Variants in GRM7 observed in about 807,000 individuals in gnomAD.
GRM7 encodes the protein glutamate metabotropic receptor 7.
Under a neutral mutation model 84.5 loss-of-function variants are expected in GRM7, and 35 were observed. The observed-to-expected ratio is 0.41, with a 90% CI of 0.32 to 0.55. The LOEUF (loss-of-function observed/expected upper bound fraction) is 0.55. GRM7 is among the 20% of genes least tolerant of loss of function. GRM7 has a pLI of 0.19. For missense variants in GRM7, 1,003 were observed against 1,194.6 expected (o/e 0.84, Z 2.36); for synonymous variants, 487 against 455.1 (o/e 1.07, Z -0.89).
intron 1 of GRM7, among the ~76,000 whole-genome samples, chr3:6,923,622 C>T (rs1407931664): frequency 6.6e-6 from 1 of 151,804 alleles, no homozygotes; most frequent in African/African-American, 2.4e-5. Flanking sequence ...GGGTTTTTTT[C>T]CCCCTGCACT....
chr3:7,657,859 G>A (rs906740321), intron 8 of GRM7, among the ~76,000 whole-genome samples: 5 of 152,172 alleles, frequency 3.3e-5, no homozygotes, highest in Admixed American at 2.6e-4. Context: ...GAGAGTTGGA[G>A]CACTGGTCTC....
At chr3:7,196,582 T>G (rs1394456593) in intron 2 of GRM7, among the ~76,000 whole-genome samples, 1 of 152,124 alleles carries the variant, frequency 6.6e-6, no homozygotes, top group Non-Finnish European at 1.5e-5. Context: ...CTGCCCGAAA[T>G]GGCCTTTCAC....
At chr3:6,915,429 A>T (rs1322795896) in intron 1 of GRM7, among the ~76,000 whole-genome samples, 1 of 152,158 alleles carries the variant, frequency 6.6e-6, no homozygotes, top group South Asian at 2.1e-4. Context: ...GGTCACTTGG[A>T]TGGCAGATAT....
intron 1 of GRM7, among the ~76,000 whole-genome samples, chr3:6,948,448 A>G (rs1698176805): frequency 1.3e-5 from 2 of 152,072 alleles, no homozygotes; most frequent in Non-Finnish European, 2.9e-5. Flanking sequence ...GTTCTTTTAC[A>G]TTTGCTGAGG....
At chr3:6,943,158 T>TA (rs1697947390) in intron 1 of GRM7, among the ~76,000 whole-genome samples, 3 of 151,972 alleles carry the variant, frequency 2.0e-5, no homozygotes, top group African/African-American at 7.2e-5. Flanking sequence ...GCTGGCAGCA[T>TA]ATCTTTTTGT....
intron 7 of GRM7, among the ~76,000 whole-genome samples, chr3:7,477,641 C>A (rs1364595605): frequency 6.6e-6 from 1 of 152,108 alleles, no homozygotes; most frequent in African/African-American, 2.4e-5. Context: ...CGTCTTTATT[C>A]TTTTGTTGTT....
rs1178525393 is a variant in GRM7, at chr3:7,305,767, C to T, written c.879-731C>T. 3.3e-5 allele frequency among the ~76,000 whole-genome samples: 5 copies of T among 152,188 alleles called. No individual in the cohort carries two copies. In the East Asian group the frequency reaches 9.7e-4, roughly 29 times the overall value. On this transcript the variant is annotated intron_variant, in intron 3 of 9. Coordinates refer to ENST00000357716, the MANE Select transcript of GRM7 (RefSeq NM_000844.4). ...ATGTAGCTCTGTGGTGCCTGATACT[C>T]CCAAGTCCCAAGAGACAAACAAACC...
chr3:7,485,172 T>C (rs976915973), intron 7 of GRM7, among the ~76,000 whole-genome samples: 1 of 152,202 alleles, frequency 6.6e-6, no homozygotes, highest in Admixed American at 6.5e-5. Flanking sequence ...AGAACCCAAC[T>C]AAAATGTGTC....
intron 4 of GRM7, among the ~76,000 whole-genome samples, chr3:7,328,950 C>T (rs892843295): frequency 2.0e-5 from 3 of 152,042 alleles, no homozygotes; most frequent in Non-Finnish European, 2.9e-5. Flanking sequence ...AGTCTCTTTG[C>T]AGGTGCTCTT....
chr3:7,247,625 A>G (rs1697822318), intron 2 of GRM7, among the ~76,000 whole-genome samples: 1 of 150,108 alleles, frequency 6.7e-6, no homozygotes, highest in South Asian at 2.1e-4. Flanking sequence ...AAAAAAGAAG[A>G]AGAAAGAAAG....
At chr3:7,204,625 TG>T (rs1696174922) in intron 2 of GRM7, among the ~76,000 whole-genome samples, 1 of 152,148 alleles carries the variant, frequency 6.6e-6, no homozygotes. Context: ...GAGTGCTAGG[TG>T]GGCAAATAAC....
At chr3:7,162,813 G>C (rs559796662) in intron 2 of GRM7, among the ~76,000 whole-genome samples, 6 of 126,200 alleles carry the variant, frequency 4.8e-5, no homozygotes, top group Admixed American at 3.0e-4. Context: ...AGGCTGGAGT[G>C]CAGTGGTGTG....
intron 7 of GRM7, among the ~76,000 whole-genome samples, chr3:7,503,424 A>G (rs1699943589): frequency 6.6e-6 from 1 of 152,056 alleles, no homozygotes; most frequent in Non-Finnish European, 1.5e-5. Flanking sequence ...GATTTGCCTG[A>G]GTCCTCCTTA....
At chr3:7,368,630 T>C (rs1694007767) in intron 4 of GRM7, among the ~76,000 whole-genome samples, 2 of 152,150 alleles carry the variant, frequency 1.3e-5, no homozygotes, top group South Asian at 4.1e-4. Flanking sequence ...GCATGAGTTT[T>C]AACAGCAGAT....
chr3:7,307,983 G>C (rs1482422577), intron 4 of GRM7, among the ~76,000 whole-genome samples: 1 of 152,148 alleles, frequency 6.6e-6, no homozygotes, highest in African/African-American at 2.4e-5. Flanking sequence ...TCCTAGGGTG[G>C]TGGTGATATG....
intron 2 of GRM7, among the ~76,000 whole-genome samples, chr3:7,171,694 A>G (rs1020216499): frequency 6.6e-6 from 1 of 152,194 alleles, no homozygotes; most frequent in African/African-American, 2.4e-5. Flanking sequence ...CGTCCTACAC[A>G]CCTGCCTAAG....
Position 7,229,743 on chromosome 3 carries a change from ATATATATATATATATATTT to A in GRM7, c.737-68939_737-68921del, listed in dbSNP as rs1559514583. ...GACACACACATATATATATATATAT[ATATATATATATATATATTT>A]TTTTTTTTTTTTGGTTGACAGGTGT... On this transcript the variant is annotated intron_variant, in intron 2 of 9. Coordinates refer to ENST00000357716, the MANE Select transcript of GRM7 (RefSeq NM_000844.4). Among the ~76,000 whole-genome samples the A allele has an allele frequency of 1.0e-3, 46 of 44,664 alleles. 4 individuals carry two copies. Among genetic ancestry groups the A allele is most frequent in the East Asian group, 1.8e-3 (1 of 550 alleles). 29.3% of individuals were successfully genotyped at this position (44,664 alleles called of 152,430 possible).
chr3:6,978,492 C>A (rs9869526), intron 1 of GRM7, among the ~76,000 whole-genome samples: 1 of 151,908 alleles, frequency 6.6e-6, no homozygotes, highest in Non-Finnish European at 1.5e-5. Context: ...ACTTCCCCCC[C>A]ATTTGATCCA....
chr3:7,620,518 A>G (rs1422000066), intron 8 of GRM7, among the ~76,000 whole-genome samples: 1 of 152,150 alleles, frequency 6.6e-6, no homozygotes, highest in Non-Finnish European at 1.5e-5. Flanking sequence ...AAATGAGAAG[A>G]ACAGCAGTCC....
Sources: gnomAD v4.1 joint callset for allele counts (sites outside exome capture counted in the v4.1 genomes callset) on GRCh38, gnomAD v4.1.1 for gene constraint, MANE v1.5 for transcripts, NCBI Gene and HGNC (gene_info 2026-07-23, HGNC 2026-07-21) for gene names.